Variants in C5orf34 observed in about 807,000 individuals in gnomAD.
The protein encoded by C5orf34 is chromosome 5 open reading frame 34.
In C5orf34, 73 loss-of-function variants were observed where a neutral mutation model predicts 78.4. The observed-to-expected ratio is 0.93, with a 90% CI of 0.77 to 1.13. The LOEUF is 1.13. Among genes scored for constraint, C5orf34 ranks in the 50% most tolerant of loss-of-function variants. C5orf34 has a pLI of 0.00. For missense variants in C5orf34, 730 were observed against 732.7 expected (o/e 1.00, Z 0.04); for synonymous variants, 251 against 246.6 (o/e 1.02, Z -0.17).
At position 43,492,805 on chromosome 5, in the gene C5orf34, G is replaced by T; in HGVS notation, c.1400C>A (p.Ser467Tyr). 6.2e-7 allele frequency: 1 copy of T among 1,612,912 alleles called. No individual in the cohort carries two copies. The highest frequency in any genetic ancestry group is 8.5e-7 in the Non-Finnish European group (1 of 1,179,124). The change falls in exon 9 of 13, where the codon TCT becomes TAT. Residue 467 changes from serine to tyrosine, a missense_variant. Transcript: ENST00000306862. The part of the protein sequence containing the change: ...IPSVGRFLAY[S>Y]DDKVHAIFLD... ...AAAGATAGCATGTACTTTGTCATCAGAGTAGGCAAGAAATCTTCCCACACT... is the reference window on the plus strand; with the variant it reads ...AAAGATAGCATGTACTTTGTCATCATAGTAGGCAAGAAATCTTCCCACACT...
chr5:43,490,628 T>C lies in C5orf34; in HGVS notation c.1679+3A>G. On this transcript the variant is annotated splice_donor_region_variant and intron_variant, in intron 11 of 12. Transcript: ENST00000306862. ...AACAGATTTAAGTTTAAAAGAAAAATACCAATTTTCTTGGAGAACAGAAGA... is the reference window on the plus strand; with the variant it reads ...AACAGATTTAAGTTTAAAAGAAAAACACCAATTTTCTTGGAGAACAGAAGA... The C allele has an allele frequency of 1.3e-6, 2 of 1,581,626 alleles. No homozygotes were observed. Among genetic ancestry groups the C allele is most frequent in the Non-Finnish European group, 1.7e-6 (2 of 1,151,038 alleles).
At chr5:43,502,330 T>C (rs558606650) in intron 6 of C5orf34, 42 bp downstream of exon 6, 6 of 1,603,324 alleles carry the variant, frequency 3.7e-6, no homozygotes, top group Non-Finnish European at 5.1e-6. Flanking sequence ...GAAAGAGCTA[T>C]ACAGCAAAAC....
chr5:43,487,694 C>T (rs1745121534), intron 12 of C5orf34, among the ~76,000 whole-genome samples: 1 of 151,890 alleles, frequency 6.6e-6, no homozygotes, highest in South Asian at 2.1e-4. Context: ...TGTTCTTTGC[C>T]CAATTTAAAC....
In C5orf34 at chr5:43,487,873, A is replaced by G. The variant is rs752687874; in HGVS notation, c.1720+36T>C. 17 of 1,490,334 alleles carry G rather than the reference A, an allele frequency of 1.1e-5. No individual in the cohort carries two copies. In the Admixed American group the frequency reaches 1.3e-4, roughly 11 times the overall value. The allele number at this position is 1,490,334 out of a possible 1,614,324, so 92.3% of individuals were successfully genotyped here. A position where few individuals can be genotyped will look rare whatever the true frequency, so the allele number is the denominator to read the frequency against. ...AATTAAGCCTAGAATGAAAGAGAGT[A>G]ATTATGTAGGACAGTGCATTCTGTT... On this transcript the variant is annotated intron_variant, in intron 12 of 12. Transcript: ENST00000306862.
At chr5:43,506,831 A>G (rs1746004025) in intron 3 of C5orf34, among the ~76,000 whole-genome samples, 1 of 152,200 alleles carries the variant, frequency 6.6e-6, no homozygotes, top group Middle Eastern at 3.4e-3. Context: ...TAAAAAAAAA[A>G]GCAACCATAG....
At position 43,492,831 on chromosome 5, in the gene C5orf34, G is replaced by A. The variant is rs1745340132; in HGVS notation, c.1374C>T (p.Pro458=). Reference sequence around the variant, plus strand: ...AGTAGGCAAGAAATCTTCCCACACTGGGTATGAGTGACTCTTTCAAAACCA... The same window carrying A: ...AGTAGGCAAGAAATCTTCCCACACTAGGTATGAGTGACTCTTTCAAAACCA... ...LPLVLKESLI[P]SVGRFLAYSD... The change falls in exon 9 of 13, where the codon CCC becomes CCT. Residue 458 remains proline, a synonymous_variant. Transcript: ENST00000306862. 1 of 1,611,730 alleles carries A rather than the reference G, an allele frequency of 6.2e-7. No homozygotes were observed. The highest frequency in any genetic ancestry group is 8.5e-7 in the Non-Finnish European group (1 of 1,178,390).
rs146793886 is a variant in C5orf34, at chr5:43,506,053, T to G, written c.627A>C (p.Leu209Phe). 3.1e-6 allele frequency: 5 copies of G among 1,614,118 alleles called. No homozygotes were observed. Among genetic ancestry groups the G allele is most frequent in the Non-Finnish European group, 4.2e-6 (5 of 1,180,052 alleles). Residue 209 changes from leucine to phenylalanine, a missense_variant, in exon 4 of 13, where the codon TTA becomes TTC. Leu to Phe is a conservative substitution (Grantham distance 22). Transcript: ENST00000306862. ...HCQIMKSKET[L>F]KKMSCVNGTE... ...TTCCATTTACACAACTCATCTTCTT[T>G]AAAGTTTCTTTGGATTTCATGATCT... is the stretch of plus-strand genomic sequence containing the variant.
chr5:43,490,957 T>C (rs1490345260), intron 10 of C5orf34, among the ~76,000 whole-genome samples: 1 of 152,204 alleles, frequency 6.6e-6, no homozygotes, highest in Non-Finnish European at 1.5e-5. Flanking sequence ...TTGTGATTAA[T>C]ACAAGTGACA....
chr5:43,489,041 A>G (rs770233039), intron 11 of C5orf34, among the ~76,000 whole-genome samples: 59 of 152,142 alleles, frequency 3.9e-4, no homozygotes, highest in Non-Finnish European at 7.5e-4. Context: ...CACCTGTGGC[A>G]AAGAACTTGG....
At chr5:43,498,963 C>T (rs557161848) in intron 6 of C5orf34, among the ~76,000 whole-genome samples, 1 of 152,304 alleles carries the variant, frequency 6.6e-6, no homozygotes, top group South Asian at 2.1e-4. Context: ...TCGCCCCAGG[C>T]TCTTGTGTCC....
intron 1 of C5orf34, among the ~76,000 whole-genome samples, chr5:43,510,422 G>A (rs1746173833): frequency 6.6e-6 from 1 of 152,104 alleles, no homozygotes; most frequent in Admixed American, 6.5e-5. Flanking sequence ...AAAGAGTTGG[G>A]TTTCCTCCCT....
At chr5:43,492,436 T>C in intron 9 of C5orf34, 127 bp from the exon 10 acceptor site, 1 of 676,728 alleles carries the variant, frequency 1.5e-6, no homozygotes, top group East Asian at 2.7e-5. Context: ...AGTTTAAATG[T>C]TGTTTACATG....
chr5:43,498,555 T>C (rs913393177), intron 6 of C5orf34, among the ~76,000 whole-genome samples: 5 of 152,208 alleles, frequency 3.3e-5, no homozygotes, highest in Admixed American at 6.5e-5. Context: ...CCACCATTCA[T>C]TGATTAATAA....
At chr5:43,502,005 C>T (rs1412675579) in intron 6 of C5orf34, among the ~76,000 whole-genome samples, 1 of 152,094 alleles carries the variant, frequency 6.6e-6, no homozygotes, top group Non-Finnish European at 1.5e-5. Flanking sequence ...GCTTAAAATA[C>T]ACAATTACAT....
intron 6 of C5orf34, chr5:43,496,401 C>T (rs1258014442): frequency 4.6e-5 from 73 of 1,595,536 alleles, no homozygotes; most frequent in Non-Finnish European, 5.5e-5. Flanking sequence ...TGGACTTGCC[C>T]GAATTTACGT....
At position 43,487,103 on chromosome 5, in the gene C5orf34, C is replaced by T. The variant is rs1461082359; in HGVS notation, c.1729G>A (p.Glu577Lys). ...ATCTGGTTTAGGATACCACTATTTTCTAGTAGCACTAAGTTGCTTAGTTAA... is the reference window on the plus strand; with the variant it reads ...ATCTGGTTTAGGATACCACTATTTTTTAGTAGCACTAAGTTGCTTAGTTAA... The part of the protein sequence containing the change: ...EKIQKFNLLL[E>K]NSGILNQISN... The change falls in exon 13 of 13, where the codon GAA (glutamate) becomes AAA (lysine). Residue 577 changes from glutamate (E) to lysine (K), a missense_variant. Coordinates refer to ENST00000306862, the MANE Select transcript of C5orf34 (RefSeq NM_198566.4). The T allele has an allele frequency of 1.3e-6, 2 of 1,520,884 alleles. No individual in the cohort carries two copies. The highest frequency in any genetic ancestry group is 2.8e-5 in the African/African-American group (2 of 70,516). The allele number at this position is 1,520,884 out of a possible 1,614,324, so 94.2% of individuals were successfully genotyped here. A position where few individuals can be genotyped will look rare whatever the true frequency, so the allele number is the denominator to read the frequency against.
intron 1 of C5orf34, 41 bp from the exon 2 acceptor site, chr5:43,509,416 T>A (rs1746129509): frequency 1.7e-6 from 2 of 1,193,356 alleles, no homozygotes; most frequent in Non-Finnish European, 2.3e-6. Context: ...ATAGTTCTCT[T>A]AATGTACAAA....
chr5:43,509,044 G>T, intron 2 of C5orf34, 101 bp downstream of exon 2: 2 of 856,548 alleles, frequency 2.3e-6, no homozygotes, highest in Non-Finnish European at 3.7e-6. Flanking sequence ...GTTCGAGGCT[G>T]CAGTGAGCTA....
intron 1 of C5orf34, among the ~76,000 whole-genome samples, chr5:43,511,870 T>G (rs1746275177): frequency 6.6e-6 from 1 of 152,214 alleles, no homozygotes; most frequent in African/African-American, 2.4e-5. Context: ...TAATCTCAAG[T>G]ACCCAGGGAC....
Sources: gnomAD v4.1 joint callset for allele counts (sites outside exome capture counted in the v4.1 genomes callset) on GRCh38, gnomAD v4.1.1 for gene constraint, MANE v1.5 for transcripts, NCBI Gene and HGNC (gene_info 2026-07-23, HGNC 2026-07-21) for gene names.